Variants in ERC1 observed in about 807,000 individuals in gnomAD.
ERC1 encodes the protein RAB6 interacting protein 2.
Under a neutral mutation model 132.0 loss-of-function variants are expected in ERC1, and 56 were observed. That is an observed-to-expected ratio of 0.42 (90% CI 0.34 to 0.53). The LOEUF (loss-of-function observed/expected upper bound fraction) is 0.53, where lower values mean the gene tolerates loss of function less well. ERC1 is among the 20% of genes least tolerant of loss of function. ERC1 has a pLI of 0.03. For missense variants in ERC1, 1,202 were observed against 1,349.9 expected (o/e 0.89, Z 1.72); for synonymous variants, 478 against 476.1 (o/e 1.00, Z -0.05).
At chr12:1,009,963 C>T (rs1964407463) in intron 1 of ERC1, among the ~76,000 whole-genome samples, 2 of 152,128 alleles carry the variant, frequency 1.3e-5, no homozygotes. Context: ...TGGTATAACT[C>T]CTTTTTTCAG....
At chr12:1,311,852 C>A (rs1394093243) in intron 15 of ERC1, among the ~76,000 whole-genome samples, 2 of 152,100 alleles carry the variant, frequency 1.3e-5, no homozygotes, top group East Asian at 3.8e-4. Flanking sequence ...AGTCTTTTCA[C>A]CAGCTGGATG....
chr12:993,305 G>C (rs1210794574), intron 1 of ERC1, among the ~76,000 whole-genome samples: 1 of 152,172 alleles, frequency 6.6e-6, no homozygotes, highest in Non-Finnish European at 1.5e-5. Context: ...CTAAGATACT[G>C]GGTAAAACTT....
At chr12:1,106,948 G>A (rs1945331267) in intron 4 of ERC1, among the ~76,000 whole-genome samples, 1 of 152,184 alleles carries the variant, frequency 6.6e-6, no homozygotes. Context: ...AAATAGCTGT[G>A]TTGCTGAGAA....
chr12:1,029,016 C>G (rs997836805), intron 2 of ERC1, among the ~76,000 whole-genome samples: 26 of 152,194 alleles, frequency 1.7e-4, no homozygotes, highest in African/African-American at 6.0e-4. Flanking sequence ...ATGACTATCA[C>G]AGGATAAGTC....
At chr12:1,009,697 CAT>C (rs1964365907) in intron 1 of ERC1, among the ~76,000 whole-genome samples, 1 of 152,014 alleles carries the variant, frequency 6.6e-6, no homozygotes, top group African/African-American at 2.4e-5. Context: ...AAAAAAGAAA[CAT>C]AATTTAGTTA....
At chr12:1,146,654 A>G (rs946966209) in intron 8 of ERC1, among the ~76,000 whole-genome samples, 2 of 149,148 alleles carry the variant, frequency 1.3e-5, no homozygotes, top group African/African-American at 5.0e-5. Flanking sequence ...TGTAAGTTCT[A>G]GGGTACATGT....
At chr12:1,403,285 A>G (rs2091226627) in intron 16 of ERC1, among the ~76,000 whole-genome samples, 1 of 152,108 alleles carries the variant, frequency 6.6e-6, no homozygotes, top group Admixed American at 6.6e-5. Flanking sequence ...CTCCCTGCAC[A>G]TGCACCTGGC....
intron 12 of ERC1, among the ~76,000 whole-genome samples, chr12:1,228,927 A>G (rs569513975): frequency 2.0e-5 from 3 of 152,134 alleles, no homozygotes; most frequent in African/African-American, 7.2e-5. Flanking sequence ...ATTTTGTTGA[A>G]AGTTTTGCGT....
chr12:1,224,178 A>T (rs922248265), intron 12 of ERC1, among the ~76,000 whole-genome samples: 1 of 152,342 alleles, frequency 6.6e-6, no homozygotes, highest in East Asian at 1.9e-4. Context: ...CAAGAAAATC[A>T]TTGTGTGTTT....
At chr12:1,213,930 A>G (rs1168408933) in intron 12 of ERC1, among the ~76,000 whole-genome samples, 2 of 152,076 alleles carry the variant, frequency 1.3e-5, no homozygotes, top group Admixed American at 6.5e-5. Flanking sequence ...AATAAGGAAA[A>G]GTTGAGTTTT....
In ERC1 at chr12:1,112,953, C is replaced by A. The variant is rs529055278; in HGVS notation, c.1401+655C>A. Among the ~76,000 whole-genome samples, 15 of 152,196 alleles carry A rather than the reference C, an allele frequency of 9.9e-5. 1 individual carries two copies. In the South Asian group the frequency reaches 3.1e-3, roughly 32 times the overall value. ...TGTGGATTTGCATCTGTGTGTTTAA[C>A]CAACTGTTTTTTATTTTCAGGGTAA... On this transcript the variant is annotated intron_variant, in intron 6 of 18. Transcript: ENST00000360905.
At chr12:1,139,361 C>G (rs1447346059) in intron 7 of ERC1, among the ~76,000 whole-genome samples, 2 of 152,070 alleles carry the variant, frequency 1.3e-5, no homozygotes, top group Non-Finnish European at 1.5e-5. Context: ...TTCACATAAC[C>G]CTTATTTTAT....
intron 14 of ERC1, among the ~76,000 whole-genome samples, chr12:1,271,081 G>A (rs2077815320): frequency 6.6e-6 from 1 of 151,706 alleles, no homozygotes; most frequent in Non-Finnish European, 1.5e-5. Flanking sequence ...TTAAATTTTC[G>A]ACGTAAAACA....
chr12:1,210,872 G>A (rs1340215923), intron 12 of ERC1, among the ~76,000 whole-genome samples: 2 of 151,984 alleles, frequency 1.3e-5, no homozygotes, highest in South Asian at 2.1e-4. Context: ...GCATGCGCCT[G>A]TAGTCCCAGC....
intron 8 of ERC1, among the ~76,000 whole-genome samples, chr12:1,162,854 G>A (rs972874504): frequency 4.6e-5 from 7 of 152,084 alleles, no homozygotes; most frequent in East Asian, 3.9e-4. Context: ...TGAACTTTAC[G>A]TCTGAAACAT....
intron 1 of ERC1, among the ~76,000 whole-genome samples, chr12:1,002,935 A>C (rs557753932): frequency 2.4e-4 from 36 of 150,902 alleles, no homozygotes; most frequent in African/African-American, 8.8e-4. Flanking sequence ...TTTCCACCTT[A>C]CTCTGTGGCT....
chr12:1,313,251 C>T (rs896894169), intron 15 of ERC1, among the ~76,000 whole-genome samples: 1 of 151,972 alleles, frequency 6.6e-6, no homozygotes, highest in African/African-American at 2.4e-5. Context: ...CAACAATCAC[C>T]ATATCAAAGA....
chr12:1,069,062 A>AT (rs1430009027), intron 2 of ERC1, among the ~76,000 whole-genome samples: 1 of 152,206 alleles, frequency 6.6e-6, no homozygotes, highest in Non-Finnish European at 1.5e-5. Context: ...CTGTCTCAGA[A>AT]TGAAGTGAGG....
chr12:1,015,427 T>C (rs758873593), intron 1 of ERC1, among the ~76,000 whole-genome samples: 98 of 152,284 alleles, frequency 6.4e-4, no homozygotes, highest in Non-Finnish European at 1.2e-3. Context: ...AGCAGCATTG[T>C]CTTTTGTAGT....
Sources: gnomAD v4.1 joint callset for allele counts (sites outside exome capture counted in the v4.1 genomes callset) on GRCh38, gnomAD v4.1.1 for gene constraint, MANE v1.5 for transcripts, NCBI Gene and HGNC (gene_info 2026-07-23, HGNC 2026-07-21) for gene names.